The following FOXP1 variants were observed in gnomAD, a reference collection of about 807,000 sequenced individuals.
FOXP1 encodes the protein forkhead box protein P1.
A neutral mutation model predicts 98.2 loss-of-function variants in FOXP1; 15 were observed. The observed-to-expected ratio is 0.15, with a 90% CI of 0.10 to 0.24. The LOEUF (loss-of-function observed/expected upper bound fraction) is 0.24, where lower values mean the gene tolerates loss of function less well. Ranked by LOEUF, FOXP1 falls within the 10% of genes least tolerant of loss-of-function variation. The pLI, the probability that FOXP1 is intolerant of heterozygous loss-of-function variation, is 1.00. For missense variants in FOXP1, 633 were observed against 848.5 expected (o/e 0.75, Z 3.15); for synonymous variants, 371 against 314.5 (o/e 1.18, Z -1.90).
intron 5 of FOXP1, among the ~76,000 whole-genome samples, chr3:71,270,402 T>C (rs902394082): frequency 1.3e-5 from 2 of 152,128 alleles, no homozygotes; most frequent in Non-Finnish European, 2.9e-5. Flanking sequence ...CTAAAAACAT[T>C]TTATCAAAGT....
intron 6 of FOXP1, among the ~76,000 whole-genome samples, chr3:71,135,788 C>T (rs2059792625): frequency 6.6e-6 from 1 of 152,146 alleles, no homozygotes; most frequent in South Asian, 2.1e-4. Flanking sequence ...ATAACACTGC[C>T]CAAGTCAAGT....
rs2031376479 is a variant in FOXP1 at position 70,954,779 on chromosome 3, T to C, written c.*4468A>G. On this transcript the variant is annotated 3_prime_UTR_variant, in exon 21 of 21. Transcript: ENST00000649528. The stretch of plus-strand genomic sequence containing the variant: ...TGCTTATAATGTCAGTAATTAGTAC[T>C]GACTACACAACATTTTTTTTATTGT... 4.3e-6 allele frequency: 1 copy of C among 231,328 alleles called. No individual in the cohort carries two copies. The highest frequency in any genetic ancestry group is 2.2e-5 in the African/African-American group (1 of 45,370). The allele number at this position is 231,328 out of a possible 1,614,324, so 14.3% of individuals were successfully genotyped here. A position where few individuals can be genotyped will look rare whatever the true frequency, so the allele number is the denominator to read the frequency against.
intron 3 of FOXP1, among the ~76,000 whole-genome samples, chr3:71,420,441 C>T (rs1333570007): frequency 6.6e-6 from 1 of 152,132 alleles, no homozygotes; most frequent in Non-Finnish European, 1.5e-5. Flanking sequence ...GCATCAGTGT[C>T]CTCAGCTGTG....
At chr3:71,152,031 A>G (rs1576059759) in intron 6 of FOXP1, among the ~76,000 whole-genome samples, 1 of 152,214 alleles carries the variant, frequency 6.6e-6, no homozygotes, top group Non-Finnish European at 1.5e-5. Context: ...TAAAGTCCCT[A>G]ATCAGTTGAC....
intron 3 of FOXP1, among the ~76,000 whole-genome samples, chr3:71,395,301 T>C (rs1304504947): frequency 6.7e-6 from 1 of 150,138 alleles, no homozygotes; most frequent in East Asian, 1.9e-4. Context: ...TTCCAAAGTC[T>C]GTAAGATCAG....
chr3:71,272,410 G>A (rs2070453082), intron 5 of FOXP1, among the ~76,000 whole-genome samples: 1 of 152,070 alleles, frequency 6.6e-6, no homozygotes, highest in Admixed American at 6.5e-5. Context: ...AACCAGTATG[G>A]CCCTTACCAT....
intron 4 of FOXP1, among the ~76,000 whole-genome samples, chr3:71,337,950 C>T (rs2076786539): frequency 6.6e-6 from 1 of 152,192 alleles, no homozygotes; most frequent in South Asian, 2.1e-4. Flanking sequence ...GACGAGGAAG[C>T]GCTCGTTTCA....
intron 3 of FOXP1, among the ~76,000 whole-genome samples, chr3:71,443,965 C>T (rs2086180867): frequency 6.6e-6 from 1 of 152,194 alleles, no homozygotes; most frequent in Non-Finnish European, 1.5e-5. Flanking sequence ...GGACCAGCAG[C>T]TTGGCACTCA....
At chr3:71,299,187 A>C (rs1326124831) in intron 5 of FOXP1, among the ~76,000 whole-genome samples, 1 of 152,218 alleles carries the variant, frequency 6.6e-6, no homozygotes, top group Admixed American at 6.5e-5. Flanking sequence ...GAGAAAATTA[A>C]ATTTGGCTTT....
In FOXP1 at chr3:71,273,305, C is replaced by G. The variant is rs2070567183; in HGVS notation, c.-12+26515G>C. ...GATAATTTGCATCCGGCCCTGTCCT[C>G]CTTCAAACATGTCTGGCTTATGTGA... On this transcript the variant is annotated intron_variant, in intron 5 of 20. Coordinates refer to ENST00000649528, the MANE Select transcript of FOXP1 (RefSeq NM_001349338.3). Among the ~76,000 whole-genome samples the G allele has an allele frequency of 2.6e-5, 4 of 152,346 alleles. No homozygotes were observed. In the South Asian group the frequency reaches 8.3e-4, roughly 32 times the overall value.
At chr3:71,176,891 A>C (rs1576219322) in intron 6 of FOXP1, among the ~76,000 whole-genome samples, 1 of 151,846 alleles carries the variant, frequency 6.6e-6, no homozygotes, top group African/African-American at 2.4e-5. Context: ...GTGAAACCCC[A>C]TCTCTACTAA....
intron 5 of FOXP1, among the ~76,000 whole-genome samples, chr3:71,223,588 G>A (rs775377068): frequency 1.4e-4 from 22 of 151,736 alleles, no homozygotes; most frequent in East Asian, 1.2e-3. Flanking sequence ...CCAGCTACTC[G>A]GGAGACTGAG....
At chr3:71,184,285 C>T (rs2062513711) in intron 6 of FOXP1, among the ~76,000 whole-genome samples, 1 of 152,154 alleles carries the variant, frequency 6.6e-6, no homozygotes, top group Admixed American at 6.5e-5. Flanking sequence ...TGTTTTAAGC[C>T]TCTTGATGTC....
rs374687973 is a variant in FOXP1, at chr3:71,040,117, C to CTGTG, written c.869+1207_869+1210dup. ...TGTGTGTGTGTGTATGTATGTATCT[C>CTGTG]TGTGTGTGTGTGTGTATCTGTGTGT... On this transcript the variant is annotated intron_variant, in intron 11 of 20. Transcript: ENST00000649528. Among the ~76,000 whole-genome samples the CTGTG allele has an allele frequency of 7.4e-4, 110 of 149,646 alleles. 1 individual carries two copies. Among genetic ancestry groups the CTGTG allele is most frequent in the African/African-American group, 2.7e-3 (108 of 40,690 alleles).
intron 4 of FOXP1, among the ~76,000 whole-genome samples, chr3:71,357,828 A>G (rs1437721306): frequency 1.3e-5 from 2 of 152,216 alleles, no homozygotes; most frequent in African/African-American, 4.8e-5. Flanking sequence ...CTCTTCCCAG[A>G]TGTTTTTACG....
Position 71,001,017 on chromosome 3 carries a change from G to A in FOXP1, c.1017C>T (p.Ala339=), listed in dbSNP as rs2107612978. ...SEHALDDRST[A]QCRVQMQVVQ... ...CAACCTGCATTTGTACTCTACATTG[G>A]GCTGTACTTCTATCGTCCAGCGCAT... Residue 339 remains alanine, a synonymous_variant, in exon 13 of 21, where the codon GCC becomes GCT. Coordinates refer to ENST00000649528, the MANE Select transcript of FOXP1 (RefSeq NM_001349338.3). 20 of 1,613,294 alleles carry A rather than the reference G, an allele frequency of 1.2e-5. No individual in the cohort carries two copies. The highest frequency in any genetic ancestry group is 1.6e-5 in the Non-Finnish European group (19 of 1,179,488).
chr3:71,130,871 A>G (rs2059531281), intron 6 of FOXP1: 8 of 1,410,932 alleles, frequency 5.7e-6, no homozygotes, highest in East Asian at 5.1e-5. Flanking sequence ...AATGCCACAC[A>G]TATCTAAACC....
Position 70,956,313 on chromosome 3 carries a change from A to G in FOXP1, c.*2934T>C, listed in dbSNP as rs2031766024. On this transcript the variant is annotated 3_prime_UTR_variant, in exon 21 of 21. Transcript: ENST00000649528. ...GGGATACAGAATCAGAATTGTAAAA[A>G]TCATAGTGAAGTTTGCTTGCTGTAA... 4.3e-6 allele frequency: 1 copy of G among 233,320 alleles called. No individual in the cohort carries two copies. Among genetic ancestry groups the G allele is most frequent in the Non-Finnish European group, 8.5e-6 (1 of 117,914 alleles). The allele number at this position is 233,320 out of a possible 1,614,324, so 14.5% of individuals were successfully genotyped here.
intron 3 of FOXP1, among the ~76,000 whole-genome samples, chr3:71,455,285 T>C (rs183461869): frequency 1.3e-5 from 2 of 152,152 alleles, no homozygotes; most frequent in African/African-American, 2.4e-5. Flanking sequence ...TCCCTACGTA[T>C]AGACAACTTC....
Sources: gnomAD v4.1 joint callset for allele counts (sites outside exome capture counted in the v4.1 genomes callset) on GRCh38, gnomAD v4.1.1 for gene constraint, MANE v1.5 for transcripts, NCBI Gene and HGNC (gene_info 2026-07-23, HGNC 2026-07-21) for gene names.